Variants in GCNT2 observed in about 807,000 individuals in gnomAD.
GCNT2 encodes N-acetyllactosaminide beta-1,6-N-acetylglucosaminyl-transferase.
In GCNT2, 34 loss-of-function variants were observed where a neutral mutation model predicts 34.2. That is an observed-to-expected ratio of 1.00 (90% CI 0.76 to 1.32). GCNT2 has a LOEUF of 1.32. Among genes scored for constraint, GCNT2 ranks in the 40% most tolerant of loss-of-function variants. The pLI is 0.00. For synonymous variants in GCNT2, 212 were observed against 188.0 expected (o/e 1.13, Z -1.04); for missense variants, 584 against 489.4 (o/e 1.19, Z -1.82).
chr6:10,588,276 C>A (rs1419629556), intron 3 of GCNT2, among the ~76,000 whole-genome samples: 2 of 152,146 alleles, frequency 1.3e-5, no homozygotes, highest in African/African-American at 4.8e-5. Context: ...GAGCGTTAAC[C>A]CTTTCTTTAC....
At chr6:10,535,288 G>A (rs681047) in intron 3 of GCNT2, among the ~76,000 whole-genome samples, 11,566 of 152,220 alleles carry the variant, frequency 0.076, 485 homozygotes, top group Middle Eastern at 0.13. Context: ...GTGCCCATGA[G>A]GAGAACAGTG....
chr6:10,559,852 A>G (rs1030820139), intron 3 of GCNT2, among the ~76,000 whole-genome samples: 1 of 152,214 alleles, frequency 6.6e-6, no homozygotes, highest in Non-Finnish European at 1.5e-5. Context: ...ATCCTGGTTC[A>G]GGGAGAAAGG....
intron 3 of GCNT2, among the ~76,000 whole-genome samples, chr6:10,621,045 C>G (rs914900357): frequency 6.6e-6 from 1 of 152,204 alleles, no homozygotes; most frequent in Non-Finnish European, 1.5e-5. Flanking sequence ...TGCCAACCTA[C>G]AGCACCCCAC....
intron 3 of GCNT2, among the ~76,000 whole-genome samples, chr6:10,617,211 A>C (rs966522763): frequency 6.6e-6 from 1 of 152,122 alleles, no homozygotes; most frequent in African/African-American, 2.4e-5. Flanking sequence ...CCCCGCTGGG[A>C]GGCAGCTAAG....
intron 1 of GCNT2, among the ~76,000 whole-genome samples, chr6:10,524,614 AAG>A (rs1163432959): frequency 6.6e-6 from 1 of 152,164 alleles, no homozygotes; most frequent in Non-Finnish European, 1.5e-5. Context: ...ATAAATAAGA[AAG>A]AGCAGGCAGA....
chr6:10,604,988 AT>A (rs1248151333), intron 3 of GCNT2, among the ~76,000 whole-genome samples: 1 of 152,072 alleles, frequency 6.6e-6, no homozygotes, highest in Non-Finnish European at 1.5e-5. Context: ...CTATAAAAAA[AT>A]TTAAAAATTA....
rs545221716 is a variant in GCNT2, at chr6:10,596,453, G to A, written c.926-24898G>A. On this transcript the variant is annotated intron_variant, in intron 3 of 4. Coordinates refer to ENST00000495262, the MANE Select transcript of GCNT2 (RefSeq NM_145649.5). Reference sequence around the variant, plus strand: ...GGAGAATCACTTGAACCCAGGAGGCGGAGGTTGCAGTGAGCTGAGATTGCG... The same window carrying A: ...GGAGAATCACTTGAACCCAGGAGGCAGAGGTTGCAGTGAGCTGAGATTGCG... Among the ~76,000 whole-genome samples the A allele has an allele frequency of 7.9e-5, 12 of 152,182 alleles. No individual in the cohort carries two copies. The South Asian group carries it at 2.5e-3, about 32-fold the overall frequency.
In GCNT2 at chr6:10,626,592, C is replaced by A; in HGVS notation, c.1194C>A (p.Pro398=). ...ATCAGAGTGAAACTGCGATACAACC[C>A]AGCTGGTATTTTTGAGCTATTCATG... The part of the protein sequence containing the change: ...TLNQSETAIQ[P]SWYF The change falls in exon 5 of 5, where the codon CCC becomes CCA. Residue 398 remains proline, a synonymous_variant. Coordinates refer to ENST00000495262, the MANE Select transcript of GCNT2 (RefSeq NM_145649.5). 6.2e-7 allele frequency: 1 copy of A among 1,613,290 alleles called. No homozygotes were observed. Among genetic ancestry groups the A allele is most frequent in the South Asian group, 1.1e-5 (1 of 91,066 alleles).
Position 10,528,999 on chromosome 6 carries a change from G to A in GCNT2, c.88G>A (p.Glu30Lys). The stretch of plus-strand genomic sequence containing the variant: ...ATTTGTTTACAATACTGAGTTATGG[G>A]AGAATAAACGTTTTCTGAGGGCAGC... ...FVFVYNTELWENKRFLRAALS... is the reference protein window; with the variant it reads ...FVFVYNTELWKNKRFLRAALS... The change falls in exon 3 of 5, where the codon GAG (glutamate) becomes AAG (lysine). Residue 30 changes from glutamate to lysine, a missense_variant. Physicochemically the swap from Glu to Lys is moderately conservative, Grantham distance 56. Transcript: ENST00000495262. 2 of 1,613,922 alleles carry A rather than the reference G, an allele frequency of 1.2e-6. No individual in the cohort carries two copies. The highest frequency in any genetic ancestry group is 1.1e-5 in the South Asian group (1 of 91,080).
At chr6:10,574,215 C>A (rs612889) in intron 3 of GCNT2, among the ~76,000 whole-genome samples, 86,933 of 151,922 alleles carry the variant, frequency 0.57, 25,150 homozygotes, top group Middle Eastern at 0.68. Context: ...TGGCATATCT[C>A]GGACTGGCCA....
intron 3 of GCNT2, among the ~76,000 whole-genome samples, chr6:10,578,681 C>T (rs1025693407): frequency 6.6e-6 from 1 of 152,006 alleles, no homozygotes; most frequent in African/African-American, 2.4e-5. Flanking sequence ...CTCCTGACCT[C>T]GTGATCCGCC....
At chr6:10,604,369 CA>C (rs1561832447) in intron 3 of GCNT2, among the ~76,000 whole-genome samples, 1 of 152,102 alleles carries the variant, frequency 6.6e-6, no homozygotes, top group Admixed American at 6.6e-5. Flanking sequence ...TAAAGACTCA[CA>C]AGGTAAATAT....
intron 3 of GCNT2, among the ~76,000 whole-genome samples, chr6:10,579,357 TATAAC>T (rs1763964746): frequency 6.6e-6 from 1 of 152,222 alleles, no homozygotes; most frequent in African/African-American, 2.4e-5. Flanking sequence ...AGAATATATG[TATAAC>T]ATGTCTATTA....
At chr6:10,539,158 C>G (rs1405518519) in intron 3 of GCNT2, among the ~76,000 whole-genome samples, 1 of 144,420 alleles carries the variant, frequency 6.9e-6, no homozygotes, top group Non-Finnish European at 1.5e-5. Context: ...AGTTTAAAGC[C>G]TATCTCTACA....
chr6:10,543,620 CTTTT>C (rs1264471164), intron 3 of GCNT2, among the ~76,000 whole-genome samples: 1 of 152,100 alleles, frequency 6.6e-6, no homozygotes, highest in Non-Finnish European at 1.5e-5. Flanking sequence ...TATTGTCTAT[CTTTT>C]TTAGTTTAGC....
chr6:10,534,578 G>C (rs6911448), intron 3 of GCNT2, among the ~76,000 whole-genome samples: 68,818 of 151,930 alleles, frequency 0.45, 16,434 homozygotes, highest in South Asian at 0.66. Context: ...TGCGGCTGAC[G>C]TCTTTGCAGG....
At chr6:10,549,395 A>G (rs1169522521) in intron 3 of GCNT2, among the ~76,000 whole-genome samples, 1 of 152,126 alleles carries the variant, frequency 6.6e-6, no homozygotes, top group Non-Finnish European at 1.5e-5. Context: ...TTTGGGTCAT[A>G]GGATATAGGT....
chr6:10,604,910 A>G (rs1268721410), intron 3 of GCNT2, among the ~76,000 whole-genome samples: 1 of 152,024 alleles, frequency 6.6e-6, no homozygotes, highest in Non-Finnish European at 1.5e-5. Flanking sequence ...TATAAAAAAG[A>G]TGTTCAATAA....
intron 3 of GCNT2, among the ~76,000 whole-genome samples, chr6:10,588,175 C>G (rs1231968026): frequency 6.6e-6 from 1 of 152,108 alleles, no homozygotes; most frequent in Non-Finnish European, 1.5e-5. Flanking sequence ...ATTATGCTGT[C>G]TCATGCGCAA....
Sources: gnomAD v4.1 joint callset for allele counts (sites outside exome capture counted in the v4.1 genomes callset) on GRCh38, gnomAD v4.1.1 for gene constraint, MANE v1.5 for transcripts, NCBI Gene and HGNC (gene_info 2026-07-23, HGNC 2026-07-21) for gene names.